Variants in SYNC observed in about 807,000 individuals in gnomAD.
SYNC encodes the protein syncoilin.
SYNC carries 38 observed loss-of-function variants against 49.5 expected under a neutral mutation model. The ratio of observed to expected loss-of-function variants is 0.77; its 90% confidence interval spans 0.59 to 1.01. The LOEUF is 1.01. Among genes scored for constraint, SYNC ranks in the 50% least tolerant of loss-of-function variants. The pLI is 0.00. For synonymous variants in SYNC, 201 were observed against 230.8 expected (o/e 0.87, Z 1.17); for missense variants, 579 against 580.6 (o/e 1.00, Z 0.03).
Position 32,684,319 on chromosome 1 carries a change from G to C in SYNC, c.1297C>G (p.Gln433Glu). Reference protein sequence around the residue: ...QLRNGVQLQQQKNKEMEQLRL... With the variant: ...QLRNGVQLQQEKNKEMEQLRL... ...AGCTGTTCCATCTCTTTGTTCTTCT[G>C]TTGCTGGAGTTGCACCCCATTTCTT... The change falls in exon 3 of 5, where the codon CAG becomes GAG. Residue 433 changes from glutamine to glutamate, a missense_variant. Physicochemically the swap from Gln to Glu is conservative, Grantham distance 29. Coordinates refer to ENST00000409190, the MANE Select transcript of SYNC (RefSeq NM_030786.3). The C allele has an allele frequency of 1.2e-6, 2 of 1,614,118 alleles. No homozygotes were observed. Among genetic ancestry groups the C allele is most frequent in the Non-Finnish European group, 1.7e-6 (2 of 1,180,026 alleles).
chr1:32,679,955 A>C lies in SYNC; in HGVS notation c.*1895T>G. 2 of 1,274,528 alleles carry C rather than the reference A, an allele frequency of 1.6e-6. No individual in the cohort carries two copies. Among genetic ancestry groups the C allele is most frequent in the Non-Finnish European group, 2.0e-6 (2 of 1,012,198 alleles). The allele number at this position is 1,274,528 out of a possible 1,614,324, so 79.0% of individuals were successfully genotyped here. A position where few individuals can be genotyped will look rare whatever the true frequency, so the allele number is the denominator to read the frequency against. On this transcript the variant is annotated 3_prime_UTR_variant, in exon 5 of 5. Transcript: ENST00000409190. ...CTAGTAACCCAGGTCTAAAGTAGCT[A>C]CAGAAAGGGGAATATTATGTGTGAT...
In SYNC at chr1:32,694,861, C is replaced by A; in HGVS notation, c.1233+4G>T. On this transcript the variant is annotated splice_donor_region_variant and intron_variant, in intron 2 of 4. Transcript: ENST00000409190. ...TCAGTTCTTTTCATGCCCAATGGGCCTACCCTGTACTGCTGCACCTCTTCA... is the reference window on the plus strand; with the variant it reads ...TCAGTTCTTTTCATGCCCAATGGGCATACCCTGTACTGCTGCACCTCTTCA... The A allele has an allele frequency of 6.3e-7, 1 of 1,585,360 alleles. No individual in the cohort carries two copies. The highest frequency in any genetic ancestry group is 8.6e-7 in the Non-Finnish European group (1 of 1,167,814).
intron 4 of SYNC, 89 bp from the exon 5 acceptor site, chr1:32,681,949 A>G (rs1649466818): frequency 8.3e-7 from 1 of 1,203,948 alleles, no homozygotes; most frequent in African/African-American, 1.5e-5. Context: ...TTACAGTGTG[A>G]TTTATGGATG....
intron 2 of SYNC, among the ~76,000 whole-genome samples, chr1:32,687,831 T>TGAA (rs1429856972): frequency 1.9e-4 from 5 of 26,832 alleles, no homozygotes; most frequent in South Asian, 1.4e-3. Flanking sequence ...ACCTGCCCAG[T>TGAA]GAATTATTAT....
At chr1:32,690,119 C>T (rs1244910904) in intron 2 of SYNC, among the ~76,000 whole-genome samples, 3 of 152,082 alleles carry the variant, frequency 2.0e-5, no homozygotes, top group Non-Finnish European at 4.4e-5. Flanking sequence ...TGGCTCACAC[C>T]TGTAATCTCA....
At chr1:32,700,990 A>C (rs1032123128) in intron 1 of SYNC, among the ~76,000 whole-genome samples, 3 of 151,580 alleles carry the variant, frequency 2.0e-5, no homozygotes, top group Non-Finnish European at 4.4e-5. Context: ...ATCTCCGCTC[A>C]CTGCAGCCTC....
chr1:32,687,756 C>T (rs1312352629), intron 2 of SYNC, among the ~76,000 whole-genome samples: 2 of 151,498 alleles, frequency 1.3e-5, no homozygotes, highest in Admixed American at 6.6e-5. Flanking sequence ...CTTCCCAAAA[C>T]ATGTCTTTTT....
rs1650406860 is a variant in SYNC, at chr1:32,695,871, G to A, written c.227C>T (p.Thr76Ile). The change falls in exon 2 of 5, where the codon ACT (threonine) becomes ATT (isoleucine). Residue 76 changes from threonine (T) to isoleucine (I), a missense_variant. Thr to Ile is a moderately conservative substitution (Grantham distance 89). Coordinates refer to ENST00000409190, the MANE Select transcript of SYNC (RefSeq NM_030786.3). ...ATACAGGGCCTCCTCTGCCTTCTCAGTCTCTTGCACATAGAGTGTCTCATC... is the reference window on the plus strand; with the variant it reads ...ATACAGGGCCTCCTCTGCCTTCTCAATCTCTTGCACATAGAGTGTCTCATC... ...DLDETLYVQE[T>I]EKAEEALYIE... 1.9e-6 allele frequency: 3 copies of A among 1,552,048 alleles called. No individual in the cohort carries two copies. The highest frequency in any genetic ancestry group is 8.7e-7 in the Non-Finnish European group (1 of 1,147,074).
intron 2 of SYNC, among the ~76,000 whole-genome samples, chr1:32,691,535 A>C (rs1186656892): frequency 3.6e-5 from 5 of 137,630 alleles, no homozygotes; most frequent in Non-Finnish European, 7.9e-5. Context: ...CATGGGTGAC[A>C]GAGGGAGACT....
rs550698580 is a variant in SYNC, at chr1:32,684,089, C to G, written c.1359G>C (p.Lys453Asn). The G allele has an allele frequency of 6.2e-7, 1 of 1,610,032 alleles. No homozygotes were observed. The highest frequency in any genetic ancestry group is 1.4e-5 in the African/African-American group (1 of 71,870). Reference sequence around the variant, plus strand: ...CCAGGCTCTTGGGTAGTAGCATAGCCCTTTAAAAAGAGAGAGCCATTTTCC... The same window carrying G: ...CCAGGCTCTTGGGTAGTAGCATAGCGCTTTAAAAAGAGAGAGCCATTTTCC... ...LSLAEELSTY[K>N]AMLLPKSLEQ... The change falls in exon 4 of 5, where the codon AAG becomes AAC. Residue 453 changes from lysine (K) to asparagine (N), a missense_variant and splice_region_variant. Lys to Asn is a moderately conservative substitution (Grantham distance 94, BLOSUM62 0). Coordinates refer to ENST00000409190, the MANE Select transcript of SYNC (RefSeq NM_030786.3).
In SYNC at chr1:32,680,141, A is replaced by T; in HGVS notation, c.*1709T>A. ...CAGGAAATAGGGGGAGATTCAAGTCATATAGATTCCTACTCGAAAATCTTG... is the reference window on the plus strand; with the variant it reads ...CAGGAAATAGGGGGAGATTCAAGTCTTATAGATTCCTACTCGAAAATCTTG... On this transcript the variant is annotated 3_prime_UTR_variant, in exon 5 of 5. Transcript: ENST00000409190. 2 of 1,074,664 alleles carry T rather than the reference A, an allele frequency of 1.9e-6. No individual in the cohort carries two copies. The highest frequency in any genetic ancestry group is 2.2e-6 in the Non-Finnish European group (2 of 889,172). 66.6% of individuals were successfully genotyped at this position (1,074,664 alleles called of 1,614,324 possible). A position where few individuals can be genotyped will look rare whatever the true frequency, so the allele number is the denominator to read the frequency against.
At position 32,681,889 on chromosome 1, in the gene SYNC, CAG is replaced by C. The variant is rs761474133; in HGVS notation, c.1439-31_1439-30del. 6 of 1,597,322 alleles carry C rather than the reference CAG, an allele frequency of 3.8e-6. No individual in the cohort carries two copies. The Admixed American group carries it at 5.0e-5, about 13-fold the overall frequency. The stretch of plus-strand genomic sequence containing the variant: ...TAAAGTTGAAAGAAAAAGTTTATAA[CAG>C]TGAACTTCTGAGGTTTAGTTACTGC... On this transcript the variant is annotated intron_variant, in intron 4 of 4. Coordinates refer to ENST00000409190, the MANE Select transcript of SYNC (RefSeq NM_030786.3).
In SYNC at chr1:32,680,783, A is replaced by G; in HGVS notation, c.*1067T>C. 2 of 484,200 alleles carry G rather than the reference A, an allele frequency of 4.1e-6. No individual in the cohort carries two copies. The highest frequency in any genetic ancestry group is 2.0e-5 in the African/African-American group (1 of 49,874). The allele number at this position is 484,200 out of a possible 1,614,324, so 30.0% of individuals were successfully genotyped here. On this transcript the variant is annotated 3_prime_UTR_variant, in exon 5 of 5. Transcript: ENST00000409190. Reference sequence around the variant, plus strand: ...TATCAAGAGCAGAATTAAATGTAATAGTCCCAGAGCTGTAGAAAAGAACTT... The same window carrying G: ...TATCAAGAGCAGAATTAAATGTAATGGTCCCAGAGCTGTAGAAAAGAACTT...
At chr1:32,687,096 A>T (rs968235288) in intron 2 of SYNC, among the ~76,000 whole-genome samples, 2 of 152,210 alleles carry the variant, frequency 1.3e-5, no homozygotes, top group African/African-American at 4.8e-5. Flanking sequence ...ACAGTGGCTC[A>T]TGCCTGTAAT....
chr1:32,703,285 TG>T (rs1650740752), upstream of SYNC, among the ~76,000 whole-genome samples: 1 of 152,002 alleles, frequency 6.6e-6, no homozygotes, highest in Non-Finnish European at 1.5e-5. Flanking sequence ...GCCTGGAGCC[TG>T]GGGGCGGGCT....
At chr1:32,690,081 T>G (rs1464163931) in intron 2 of SYNC, among the ~76,000 whole-genome samples, 1 of 152,130 alleles carries the variant, frequency 6.6e-6, no homozygotes, top group Admixed American at 6.5e-5. Flanking sequence ...GCTATTATAC[T>G]ACCAAGAGTG....
At chr1:32,693,965 G>A (rs1385702213) in intron 2 of SYNC, among the ~76,000 whole-genome samples, 2 of 152,186 alleles carry the variant, frequency 1.3e-5, no homozygotes, top group South Asian at 2.1e-4. Flanking sequence ...GGCCGGCTGC[G>A]GTGGCTCACA....
In SYNC at chr1:32,684,379, G is replaced by T. The variant is rs1374034701; in HGVS notation, c.1237C>A (p.Gln413Lys). ...TGGCGTTCTTCCATTTCCTCCAGCTGTTCCTGCATGAGATGGCCAAGAACA... is the reference window on the plus strand; with the variant it reads ...TGGCGTTCTTCCATTTCCTCCAGCTTTTCCTGCATGAGATGGCCAAGAACA... ...RDEEVQQYRE[Q>K]LEEMEERQRQ... is the part of the protein sequence containing the mutation. Residue 413 changes from glutamine to lysine, a missense_variant, in exon 3 of 5, where the codon CAG becomes AAG. Physicochemically the swap from Gln to Lys is moderately conservative, Grantham distance 53. Transcript: ENST00000409190. 6.2e-7 allele frequency: 1 copy of T among 1,614,044 alleles called. No homozygotes were observed. The highest frequency in any genetic ancestry group is 8.5e-7 in the Non-Finnish European group (1 of 1,180,044).
intron 2 of SYNC, 50 bp downstream of exon 2, chr1:32,694,815 C>G: frequency 6.7e-7 from 1 of 1,497,638 alleles, no homozygotes; most frequent in Non-Finnish European, 9.0e-7. Context: ...TCTGGCCACT[C>G]TTTCCCCAGG....
Sources: gnomAD v4.1 joint callset for allele counts (sites outside exome capture counted in the v4.1 genomes callset) on GRCh38, gnomAD v4.1.1 for gene constraint, MANE v1.5 for transcripts, NCBI Gene and HGNC (gene_info 2026-07-23, HGNC 2026-07-21) for gene names.